GTF2IRD1: variants seen among roughly 807,000 people sequenced by gnomAD.
GTF2IRD1 encodes the protein GTF2I repeat domain containing 1, also known as general transcription factor II-I repeat domain-containing protein 1.
Under a neutral mutation model 113.2 loss-of-function variants are expected in GTF2IRD1, and 26 were observed. The observed-to-expected ratio is 0.23, with a 90% CI of 0.17 to 0.32. GTF2IRD1 has a LOEUF of 0.32. GTF2IRD1 is among the 10% of genes least tolerant of loss of function. The probability of loss-of-function intolerance (pLI) is 1.00; values close to 1 mark genes in which losing one functional copy is unlikely to be tolerated. For missense variants in GTF2IRD1, 864 were observed against 1,280.8 expected (o/e 0.67, Z 4.97); for synonymous variants, 484 against 529.1 (o/e 0.91, Z 1.17).
At chr7:74,469,860 A>C (rs1280258909) in intron 1 of GTF2IRD1, among the ~76,000 whole-genome samples, 1 of 149,954 alleles carries the variant, frequency 6.7e-6, no homozygotes, top group Non-Finnish European at 1.5e-5. Context: ...CCAAGCCACC[A>C]CCCCTGACTA....
chr7:74,511,083 T>C (rs1453899369), intron 2 of GTF2IRD1, among the ~76,000 whole-genome samples: 1 of 150,734 alleles, frequency 6.6e-6, no homozygotes, highest in Non-Finnish European at 1.5e-5. Context: ...TTGGCAGCAG[T>C]GGTCTAGTGA....
intron 8 of GTF2IRD1, among the ~76,000 whole-genome samples, chr7:74,525,267 G>A (rs1797534745): frequency 6.6e-6 from 1 of 152,128 alleles, no homozygotes; most frequent in African/African-American, 2.4e-5. Context: ...GGAAGCCTTT[G>A]GGTCCCCAGC....
intron 1 of GTF2IRD1, among the ~76,000 whole-genome samples, chr7:74,493,812 G>T (rs1795498338): frequency 6.6e-6 from 1 of 151,986 alleles, no homozygotes; most frequent in Admixed American, 6.6e-5. Context: ...TTGACCTCCT[G>T]GGCTCAGGGG....
At chr7:74,494,511 C>T (rs1795546565) in intron 1 of GTF2IRD1, among the ~76,000 whole-genome samples, 1 of 152,294 alleles carries the variant, frequency 6.6e-6, no homozygotes, top group Admixed American at 6.5e-5. Flanking sequence ...GCAGAGGTCA[C>T]GTGTTGGCGC....
chr7:74,494,337 G>A (rs549746973), intron 1 of GTF2IRD1, among the ~76,000 whole-genome samples: 21 of 152,326 alleles, frequency 1.4e-4, no homozygotes, highest in African/African-American at 4.1e-4. Context: ...GGCCTGAGCC[G>A]AGGAACAGCT....
At chr7:74,599,642 T>C (rs1381769359) in intron 25 of GTF2IRD1, among the ~76,000 whole-genome samples, 2 of 152,164 alleles carry the variant, frequency 1.3e-5, no homozygotes, top group Non-Finnish European at 2.9e-5. Flanking sequence ...AACTCTCCAC[T>C]CAGGACCACC....
intron 1 of GTF2IRD1, among the ~76,000 whole-genome samples, chr7:74,476,562 C>T (rs1436854288): frequency 6.6e-6 from 1 of 151,982 alleles, no homozygotes; most frequent in Non-Finnish European, 1.5e-5. Flanking sequence ...TGGGGTTTCA[C>T]TGTGTTGGCC....
At chr7:74,528,831 A>T (rs1554347870) in intron 8 of GTF2IRD1, among the ~76,000 whole-genome samples, 1 of 149,522 alleles carries the variant, frequency 6.7e-6, no homozygotes, top group Non-Finnish European at 1.5e-5. Context: ...GGATGGATGG[A>T]TGGATGGATG....
intron 1 of GTF2IRD1, among the ~76,000 whole-genome samples, chr7:74,473,657 C>T (rs6978891): frequency 0.047 from 7,162 of 152,052 alleles, 431 homozygotes; most frequent in East Asian, 0.31. Flanking sequence ...AGTGCCCACT[C>T]CTGCAGATGA....
rs376496441 is a variant in GTF2IRD1 at position 74,519,649 on chromosome 7, C to G, written c.846C>G (p.Ser282Arg). The G allele has an allele frequency of 6.2e-7, 1 of 1,609,678 alleles. No individual in the cohort carries two copies. The highest frequency in any genetic ancestry group is 8.5e-7 in the Non-Finnish European group (1 of 1,178,416). Residue 282 changes from serine to arginine, a missense_variant, in exon 6 of 27, where the codon AGC (serine) becomes AGG (arginine). Ser to Arg is a moderately radical substitution (Grantham distance 110). This residue lies in a region of GTF2IRD1 where 195 missense variants were observed against 196.6 expected (regional missense o/e 0.99). Transcript: ENST00000424337. ...QEAPSCPLAP[S>R]DLGLSRPMPE... Reference sequence around the variant, plus strand: ...CACCTTCCTGCCCCCTTGCCCCCAGCGACCTGGGCCTGAGTCGGCCCATGC... The same window carrying G: ...CACCTTCCTGCCCCCTTGCCCCCAGGGACCTGGGCCTGAGTCGGCCCATGC...
intron 16 of GTF2IRD1, 64 bp downstream of exon 16, chr7:74,545,873 G>C (rs1562856875): frequency 8.1e-7 from 1 of 1,236,188 alleles, no homozygotes; most frequent in African/African-American, 1.5e-5. Context: ...CCTGTTTGCA[G>C]AAGGGCTTTG....
chr7:74,530,493 ATTTTTTTTT>A (rs57782999), intron 9 of GTF2IRD1, among the ~76,000 whole-genome samples: 3 of 102,236 alleles, frequency 2.9e-5, no homozygotes, highest in African/African-American at 8.2e-5. Context: ...GCACTTTGTA[ATTTTTTTTT>A]TTTTTTTTTT....
At chr7:74,523,921 G>A (rs1274488755) in intron 7 of GTF2IRD1, 150 bp from the exon 8 acceptor site, 3 of 636,508 alleles carry the variant, frequency 4.7e-6, no homozygotes, top group African/African-American at 1.8e-5. Flanking sequence ...CTGAATTCGT[G>A]TATGGTCCGA....
chr7:74,554,412 CAG>C (rs1224120337), intron 17 of GTF2IRD1, among the ~76,000 whole-genome samples: 2 of 152,186 alleles, frequency 1.3e-5, no homozygotes, highest in Non-Finnish European at 2.9e-5. Flanking sequence ...TAGCATAATA[CAG>C]AGCTGGGCTT....
intron 9 of GTF2IRD1, among the ~76,000 whole-genome samples, chr7:74,533,821 G>A (rs1345589435): frequency 6.6e-6 from 1 of 152,042 alleles, no homozygotes; most frequent in Non-Finnish European, 1.5e-5. Flanking sequence ...ATCACTTGAG[G>A]TCAGGAGTTC....
intron 25 of GTF2IRD1, among the ~76,000 whole-genome samples, chr7:74,600,136 A>T (rs1428278565): frequency 6.6e-6 from 1 of 152,062 alleles, no homozygotes; most frequent in Non-Finnish European, 1.5e-5. Flanking sequence ...TGCGATTAAT[A>T]TTGTTGCCAT....
intron 22 of GTF2IRD1, among the ~76,000 whole-genome samples, chr7:74,578,893 G>A (rs1174072908): frequency 1.3e-5 from 2 of 151,910 alleles, no homozygotes; most frequent in African/African-American, 4.8e-5. Flanking sequence ...AGGCTGAGGC[G>A]GGAGGATCGC....
Position 74,519,659 on chromosome 7 carries a change from C to T in GTF2IRD1, c.856C>T (p.Leu286=), listed in dbSNP as rs782470251. The T allele has an allele frequency of 1.4e-5, 22 of 1,608,224 alleles. 1 individual carries two copies. The South Asian group carries it at 2.4e-4, about 18-fold the overall frequency. ...CCCCCTTGCCCCCAGCGACCTGGGC[C>T]TGAGTCGGCCCATGCCAGAGCCCAA... is the stretch of plus-strand genomic sequence containing the variant. ...SCPLAPSDLG[L]SRPMPEPKAT... The change falls in exon 6 of 27, where the codon CTG becomes TTG. Residue 286 remains leucine (L), a synonymous_variant. Transcript: ENST00000424337.
intron 25 of GTF2IRD1, 186 bp from the exon 26 acceptor site, chr7:74,600,858 C>A (rs782392854): frequency 1.0e-4 from 64 of 632,404 alleles, no homozygotes; most frequent in Non-Finnish European, 1.6e-4. Flanking sequence ...CTCGGGCTTG[C>A]TTTGGGAAGG....
Sources: allele counts gnomAD v4.1 joint callset (sites outside exome capture counted in the v4.1 genomes callset), GRCh38; gene constraint gnomAD v4.1.1; regional missense constraint gnomAD v4.1.1; transcripts MANE v1.5; gene names NCBI Gene and HGNC (gene_info 2026-07-23, HGNC 2026-07-21).